Variants in TLE7 observed in about 807,000 individuals in gnomAD.
TLE7 encodes transducin-like enhancer protein 7.
chr16:71,440,307 T>C (rs1485118505), intron 1 of TLE7, among the ~76,000 whole-genome samples: 1 of 152,170 alleles, frequency 6.6e-6, no homozygotes, highest in Non-Finnish European at 1.5e-5. Context: ...ATGTACCTAA[T>C]GCCACGGAAT....
intron 2 of TLE7, 21 bp from the exon 3 acceptor site, chr16:71,432,913 G>A (rs984091013): frequency 1.8e-5 from 7 of 398,924 alleles, no homozygotes; most frequent in South Asian, 1.3e-4. Flanking sequence ...TGGAGAGAGG[G>A]AGGGAGGAGA....
At chr16:71,436,622 T>C (rs1218547594) in intron 1 of TLE7, among the ~76,000 whole-genome samples, 1 of 152,196 alleles carries the variant, frequency 6.6e-6, no homozygotes, top group East Asian at 1.9e-4. Context: ...AGTTGAGCTG[T>C]TCGCCAGAGC....
intron 1 of TLE7, among the ~76,000 whole-genome samples, chr16:71,436,866 T>C (rs1000646564): frequency 4.6e-5 from 7 of 152,324 alleles, no homozygotes; most frequent in Admixed American, 4.6e-4. Flanking sequence ...GGTTCTTACA[T>C]TGGAGCACAC....
chr16:71,439,033 G>C (rs1231644085), intron 1 of TLE7, among the ~76,000 whole-genome samples: 1 of 152,170 alleles, frequency 6.6e-6, no homozygotes, highest in Non-Finnish European at 1.5e-5. Flanking sequence ...CCATCCCCGT[G>C]GCCAGTTGGC....
At chr16:71,430,828 C>G (rs2042799062) in intron 8 of TLE7, 87 bp from the exon 9 acceptor site, 3 of 397,648 alleles carry the variant, frequency 7.5e-6, no homozygotes, top group Middle Eastern at 6.3e-4. Flanking sequence ...AAGGGCAAGT[C>G]TTTCTCTGCC....
At chr16:71,436,289 C>A (rs751533008) in intron 1 of TLE7, among the ~76,000 whole-genome samples, 1 of 152,346 alleles carries the variant, frequency 6.6e-6, no homozygotes, top group Admixed American at 6.5e-5. Flanking sequence ...CTGCCCCTAT[C>A]CTGCGGTGCT....
intron 1 of TLE7, among the ~76,000 whole-genome samples, chr16:71,435,570 A>T (rs1361280460): frequency 6.6e-6 from 1 of 152,272 alleles, no homozygotes; most frequent in Non-Finnish European, 1.5e-5. Flanking sequence ...AATTAAATTT[A>T]TCTTTGTATA....
chr16:71,432,917 G>A (rs1405491909), intron 2 of TLE7, 25 bp from the exon 3 acceptor site: 2 of 398,940 alleles, frequency 5.0e-6, no homozygotes, highest in East Asian at 7.1e-5. Context: ...GAGAGGGAGG[G>A]AGGAGACAGA....
At chr16:71,435,193 A>C (rs2145044582) in intron 1 of TLE7, among the ~76,000 whole-genome samples, 1 of 152,324 alleles carries the variant, frequency 6.6e-6, no homozygotes, top group East Asian at 1.9e-4. Flanking sequence ...CAGGCAGATC[A>C]TGAGGTCAGG....
chr16:71,431,582 C>A lies in TLE7; in HGVS notation c.852-20G>T, dbSNP rs116544594. 1.5e-3 allele frequency: 593 copies of A among 400,808 alleles called. 3 individuals are homozygous for A. Among genetic ancestry groups the A allele is most frequent in the African/African-American group, 0.011 (560 of 48,790 alleles). The allele number at this position is 400,808 out of a possible 1,614,324, so 24.8% of individuals were successfully genotyped here. A position where few individuals can be genotyped will look rare whatever the true frequency, so the allele number is the denominator to read the frequency against. On this transcript the variant is annotated intron_variant, in intron 6 of 9. Coordinates refer to ENST00000561754, the MANE Select transcript of TLE7 (RefSeq NM_001367365.2). This position sits in a 1 kb window ranked among gnomAD's most constrained non-coding sequence, Gnocchi z 4.5. The stretch of plus-strand genomic sequence containing the variant: ...TGCTTCCTGGTGGGTGGGAAAACAA[C>A]TCAGAGGGTCACTGAATGGTTTGGG...
chr16:71,437,416 G>A (rs1309139928), intron 1 of TLE7, among the ~76,000 whole-genome samples: 2 of 150,454 alleles, frequency 1.3e-5, no homozygotes, highest in Non-Finnish European at 3.0e-5. Flanking sequence ...AGAAAAGAAA[G>A]GAAGGAAGAA....
chr16:71,433,120 T>C lies in TLE7; in HGVS notation c.205A>G (p.Thr69Ala), dbSNP rs894589012. The C allele has an allele frequency of 5.0e-6, 2 of 398,658 alleles. No homozygotes were observed. The highest frequency in any genetic ancestry group is 8.8e-6 in the Non-Finnish European group (2 of 226,200). The allele number at this position is 398,658 out of a possible 1,614,324, so 24.7% of individuals were successfully genotyped here. Reference protein sequence around the residue: ...QHSPADQETSTVTQQQWHLQG... With the variant: ...QHSPADQETSAVTQQQWHLQG... The stretch of plus-strand genomic sequence containing the variant: ...AGGTGCCACTGCTGCTGGGTCACCG[T>C]GCTTGTCTCTTGATCAGCAGGGCTG... The change falls in exon 2 of 10, where the codon ACG becomes GCG. Residue 69 changes from threonine to alanine, a missense_variant. By Grantham distance (58) the Thr-to-Ala change is moderately conservative. Transcript: ENST00000561754.
chr16:71,430,390 C>CA lies in TLE7; in HGVS notation c.1222-25dup, dbSNP rs1184707423. On this transcript the variant is annotated intron_variant, in intron 9 of 9. Transcript: ENST00000561754. Reference sequence around the variant, plus strand: ...ATCTAGATGGATGGAAGGGCCAAAACAGGGATCACATTTGGGGCCAGACAT... The same window carrying CA: ...ATCTAGATGGATGGAAGGGCCAAAACAAGGGATCACATTTGGGGCCAGACAT... 2.0e-5 allele frequency: 8 copies of CA among 398,810 alleles called. No individual in the cohort carries two copies. In the Admixed American group the frequency reaches 2.6e-4, roughly 13 times the overall value. 24.7% of individuals were successfully genotyped at this position (398,810 alleles called of 1,614,324 possible).
chr16:71,433,907 G>A (rs2042816747), intron 1 of TLE7, among the ~76,000 whole-genome samples: 1 of 152,200 alleles, frequency 6.6e-6, no homozygotes, highest in Non-Finnish European at 1.5e-5. Context: ...GCACTGAGGT[G>A]AGATCGTGCC....
At chr16:71,434,266 C>A (rs1296578147) in intron 1 of TLE7, among the ~76,000 whole-genome samples, 1 of 152,104 alleles carries the variant, frequency 6.6e-6, no homozygotes, top group Non-Finnish European at 1.5e-5. Flanking sequence ...GGTAAACAAT[C>A]AATAGAAGAT....
chr16:71,440,820 G>T (rs1237448166), intron 1 of TLE7, among the ~76,000 whole-genome samples: 1 of 152,176 alleles, frequency 6.6e-6, no homozygotes, highest in Non-Finnish European at 1.5e-5. Context: ...ATCTTTATTT[G>T]AGGGCTGACG....
At chr16:71,430,829 T>A (rs9935129) in intron 8 of TLE7, 88 bp from the exon 9 acceptor site, 1 of 397,542 alleles carries the variant, frequency 2.5e-6, no homozygotes, top group Non-Finnish European at 4.4e-6. Flanking sequence ...AGGGCAAGTC[T>A]TTCTCTGCCT....
intron 1 of TLE7, among the ~76,000 whole-genome samples, chr16:71,439,785 G>A (rs748867393): frequency 3.2e-4 from 48 of 152,250 alleles, no homozygotes; most frequent in Non-Finnish European, 6.5e-4. Context: ...GGAATACCAC[G>A]GAGCAGCCAC....
intron 1 of TLE7, among the ~76,000 whole-genome samples, chr16:71,439,594 G>C (rs2042839564): frequency 6.6e-6 from 1 of 152,040 alleles, no homozygotes; most frequent in African/African-American, 2.4e-5. Context: ...CTGGAGGCTG[G>C]GAACCAGCTA....
Sources: gnomAD v4.1 joint callset for allele counts (sites outside exome capture counted in the v4.1 genomes callset) on GRCh38, gnomAD v4.1.1 for gene constraint, Gnocchi (gnomAD v3.1) non-coding constraint, MANE v1.5 for transcripts, NCBI Gene and HGNC (gene_info 2026-07-23, HGNC 2026-07-21) for gene names.